The following ADAMTS2 variants were observed in gnomAD, a reference collection of about 807,000 sequenced individuals.
ADAMTS2 encodes the protein A disintegrin and metalloproteinase with thrombospondin motifs 2.
Under a neutral mutation model 123.0 loss-of-function variants are expected in ADAMTS2, and 50 were observed. The observed-to-expected ratio is 0.41, with a 90% CI of 0.32 to 0.51. The LOEUF is 0.51. ADAMTS2 is among the 20% of genes least tolerant of loss of function. The pLI is 0.35. For missense variants in ADAMTS2, 1,494 were observed against 1,705.2 expected (o/e 0.88, Z 2.18); for synonymous variants, 678 against 695.4 (o/e 0.98, Z 0.39).
chr5:179,283,535 G>A, intron 2 of ADAMTS2, among the ~76,000 whole-genome samples: 1 of 30,524 alleles, frequency 3.3e-5, no homozygotes. Context: ...AAATATGGTA[G>A]ACTAGAAAAA....
intron 3 of ADAMTS2, among the ~76,000 whole-genome samples, chr5:179,212,153 C>T (rs1327830577): frequency 6.6e-6 from 1 of 152,268 alleles, no homozygotes; most frequent in African/African-American, 2.4e-5. Context: ...AGTCTGCAAC[C>T]TCGGGAGCAT....
chr5:179,328,326 C>T (rs1203038570), intron 2 of ADAMTS2, among the ~76,000 whole-genome samples: 1 of 152,254 alleles, frequency 6.6e-6, no homozygotes, highest in Non-Finnish European at 1.5e-5. Flanking sequence ...GCCACCGCAC[C>T]CGGCAAGAGA....
chr5:179,335,888 C>T (rs1757599571), intron 2 of ADAMTS2, among the ~76,000 whole-genome samples: 1 of 152,240 alleles, frequency 6.6e-6, no homozygotes, highest in African/African-American at 2.4e-5. Context: ...GGGCACTCAC[C>T]CTCCCAGCAC....
chr5:179,267,695 T>C (rs1047766817), intron 3 of ADAMTS2, among the ~76,000 whole-genome samples: 1 of 152,186 alleles, frequency 6.6e-6, no homozygotes, highest in Non-Finnish European at 1.5e-5. Flanking sequence ...GTTTGGTCTA[T>C]ATAGTGAGCA....
intron 12 of ADAMTS2, among the ~76,000 whole-genome samples, chr5:179,136,916 G>C (rs1763075835): frequency 6.6e-6 from 1 of 151,494 alleles, no homozygotes; most frequent in Non-Finnish European, 1.5e-5. Flanking sequence ...GTTGCAGTGA[G>C]CAGAGATCAC....
Position 179,270,508 on chromosome 5 carries a change from GT to G in ADAMTS2, c.688+2402del, listed in dbSNP as rs550017941. ...CCCTCAGAATTCACTGGAAGAAAGGGTCCCCTATACACACACACACATACAC... is the reference window on the plus strand; with the variant it reads ...CCCTCAGAATTCACTGGAAGAAAGGGCCCCTATACACACACACACATACAC... On this transcript the variant is annotated intron_variant, in intron 3 of 21. Coordinates refer to ENST00000251582, the MANE Select transcript of ADAMTS2 (RefSeq NM_014244.5). Among the ~76,000 whole-genome samples, 476 of 144,562 alleles carry G rather than the reference GT, an allele frequency of 3.3e-3. 6 individuals carry two copies. In the South Asian group the frequency reaches 0.037, roughly 11 times the overall value. The allele number at this position is 144,562 out of a possible 152,430, so 94.8% of individuals were successfully genotyped here.
chr5:179,271,906 C>T (rs546149528), intron 3 of ADAMTS2, among the ~76,000 whole-genome samples: 1 of 152,128 alleles, frequency 6.6e-6, no homozygotes, highest in Non-Finnish European at 1.5e-5. Context: ...AATCACAGCA[C>T]GGGGGCTGGC....
chr5:179,290,743 T>G (rs1367381014), intron 2 of ADAMTS2, among the ~76,000 whole-genome samples: 5 of 152,230 alleles, frequency 3.3e-5, no homozygotes, highest in African/African-American at 4.8e-5. Context: ...TTGGCTGCCT[T>G]TCCCTGGAGT....
intron 10 of ADAMTS2, among the ~76,000 whole-genome samples, chr5:179,145,700 T>A (rs1763239089): frequency 6.6e-6 from 1 of 152,148 alleles, no homozygotes; most frequent in South Asian, 2.1e-4. Flanking sequence ...CGAGTGGCTA[T>A]CTGGAGTTGG....
At chr5:179,223,793 G>A (rs1167162886) in intron 3 of ADAMTS2, among the ~76,000 whole-genome samples, 1 of 151,980 alleles carries the variant, frequency 6.6e-6, no homozygotes, top group African/African-American at 2.4e-5. Context: ...GTGTGTGCAT[G>A]TCACACGTGT....
chr5:179,293,263 G>A (rs1427662400), intron 2 of ADAMTS2, among the ~76,000 whole-genome samples: 3 of 152,344 alleles, frequency 2.0e-5, no homozygotes, highest in Non-Finnish European at 2.9e-5. Flanking sequence ...AAGAGGCAGC[G>A]GCCTGTGCCT....
rs111668543 is a variant in ADAMTS2, at chr5:179,284,305, G to A, written c.535-11241C>T. 7.4e-3 allele frequency among the ~76,000 whole-genome samples: 1,119 copies of A among 151,650 alleles called. 13 individuals carry two copies. The highest frequency in any genetic ancestry group is 0.026 in the African/African-American group (1,059 of 41,368). ...GATTGCATCACTGCACTCCATTCTG[G>A]GCAACAGAGTGAGACTCCATCTCAA... is the stretch of plus-strand genomic sequence containing the variant. On this transcript the variant is annotated intron_variant, in intron 2 of 21. Coordinates refer to ENST00000251582, the MANE Select transcript of ADAMTS2 (RefSeq NM_014244.5).
intron 3 of ADAMTS2, among the ~76,000 whole-genome samples, chr5:179,211,559 T>G (rs173072): frequency 0.25 from 38,612 of 152,164 alleles, 4,973 homozygotes; most frequent in Admixed American, 0.27. Context: ...CGTGGCCAAA[T>G]AATGACACTG....
chr5:179,223,579 C>G (rs1026710419), intron 3 of ADAMTS2, among the ~76,000 whole-genome samples: 2 of 151,362 alleles, frequency 1.3e-5, no homozygotes, highest in Non-Finnish European at 3.0e-5. Context: ...TGCACTCGCA[C>G]ACGCATGCAC....
At position 179,113,896 on chromosome 5, in the gene ADAMTS2, G is replaced by T; in HGVS notation, c.3607C>A (p.Arg1203=). The T allele has an allele frequency of 6.2e-7, 1 of 1,614,022 alleles. No homozygotes were observed. The change falls in exon 22 of 22, where the codon CGG becomes AGG. Residue 1203 remains arginine (R), a synonymous_variant. Transcript: ENST00000251582. The part of the protein sequence containing the change: ...QRIQELIDEM[R]KKEMLGKF ...AACTTTCCGAGCATCTCTTTCTTCC[G>T]CATCTCATCAATGAGCTCTTGGATT...
At chr5:179,226,480 T>TTAGCCAGG (rs1765294439) in intron 3 of ADAMTS2, among the ~76,000 whole-genome samples, 1 of 151,882 alleles carries the variant, frequency 6.6e-6, no homozygotes, top group East Asian at 1.9e-4. Context: ...TTTCACCATG[T>TTAGCCAGG]TAGCCAGGCT....
intron 3 of ADAMTS2, among the ~76,000 whole-genome samples, chr5:179,226,428 G>C (rs1397334438): frequency 1.7e-5 from 2 of 118,082 alleles, no homozygotes; most frequent in Non-Finnish European, 3.3e-5. Context: ...TATCATACCT[G>C]GTTAATTTTT....
chr5:179,331,876 G>C (rs1238722580), intron 2 of ADAMTS2, among the ~76,000 whole-genome samples: 1 of 152,188 alleles, frequency 6.6e-6, no homozygotes, highest in African/African-American at 2.4e-5. Context: ...CCAGACGCTA[G>C]CTGGGTGCCC....
At position 179,260,791 on chromosome 5, in the gene ADAMTS2, C is replaced by T. The variant is rs77706817; in HGVS notation, c.688+12120G>A. ...GATGTACCTGCAGCGTGCTGGCAGA[C>T]GCGGTCAACGGTAAGTGCTCCAGGA... On this transcript the variant is annotated intron_variant, in intron 3 of 21. Coordinates refer to ENST00000251582, the MANE Select transcript of ADAMTS2 (RefSeq NM_014244.5). The surrounding 1 kb of genome is among the most constrained non-coding windows in gnomAD (Gnocchi z 4.2). Among the ~76,000 whole-genome samples the T allele has an allele frequency of 9.1e-4, 138 of 152,308 alleles. No homozygotes were observed. The highest frequency in any genetic ancestry group is 3.2e-3 in the African/African-American group (134 of 41,560).
Sources: gnomAD v4.1 joint callset for allele counts (sites outside exome capture counted in the v4.1 genomes callset) on GRCh38, gnomAD v4.1.1 for gene constraint, Gnocchi (gnomAD v3.1) non-coding constraint, MANE v1.5 for transcripts, NCBI Gene and HGNC (gene_info 2026-07-23, HGNC 2026-07-21) for gene names.